ERO1A: variants seen among roughly 807,000 people sequenced by gnomAD.
The protein encoded by ERO1A is endoplasmic reticulum oxidoreductase 1 alpha, also known as ERO1-like protein alpha.
In ERO1A, 49 loss-of-function variants were observed where a neutral mutation model predicts 76.9. That is an observed-to-expected ratio of 0.64 (90% confidence interval 0.51 to 0.81). ERO1A has a LOEUF of 0.81. Ranked by LOEUF, ERO1A falls within the 30% of genes least tolerant of loss-of-function variation. The probability of loss-of-function intolerance (pLI) is 0.00; values close to 1 mark genes in which losing one functional copy is unlikely to be tolerated. For missense variants in ERO1A, 448 were observed against 542.1 expected, an observed-to-expected ratio of 0.83 and a Z score of 1.72; for synonymous variants, 174 against 181.2, an observed-to-expected ratio of 0.96 and a Z score of 0.32.
At chr14:52,666,695 C>T (rs934894357) in intron 6 of ERO1A, among the ~76,000 whole-genome samples, 200 bp from the exon 7 acceptor site, 4 of 152,154 alleles carry the variant, frequency 2.6e-5, no homozygotes, top group African/African-American at 9.7e-5. Flanking sequence ...CTTTGGGAGG[C>T]CAAGGTGGGC....
chr14:52,650,597 T>C (rs572401876), intron 13 of ERO1A, among the ~76,000 whole-genome samples: 121 of 152,184 alleles, frequency 8.0e-4, no homozygotes, highest in Middle Eastern at 3.4e-3. Flanking sequence ...TGTATATATA[T>C]GTATGTATAT....
At chr14:52,657,882 GA>G in intron 11 of ERO1A, 34 bp downstream of exon 11, 1 of 1,395,396 alleles carries the variant, frequency 7.2e-7, no homozygotes, top group Non-Finnish European at 9.9e-7. Context: ...CTAAAATTAA[GA>G]GTGGTAGACT....
intron 1 of ERO1A, among the ~76,000 whole-genome samples, chr14:52,686,331 T>A (rs2041174556): frequency 6.6e-6 from 1 of 152,178 alleles, no homozygotes; most frequent in Non-Finnish European, 1.5e-5. Flanking sequence ...TAGCACCATG[T>A]CACCTATGGT....
At chr14:52,672,776 C>CAAAAAAAAAAAAAAAAAAA (rs1226719026) in intron 4 of ERO1A, among the ~76,000 whole-genome samples, 1 of 61,098 alleles carries the variant, frequency 1.6e-5, no homozygotes, top group Non-Finnish European at 3.5e-5. Flanking sequence ...TGTCTCTGAC[C>CAAAAAAAAAAAAAAAAAAA]AAAAAAAAAA....
intron 11 of ERO1A, among the ~76,000 whole-genome samples, chr14:52,656,254 C>T (rs1466476360): frequency 6.6e-6 from 1 of 152,030 alleles, no homozygotes; most frequent in Non-Finnish European, 1.5e-5. Flanking sequence ...ATCTTTGTGT[C>T]TGGCTCATTT....
At chr14:52,685,950 GC>G (rs2139774390) in intron 1 of ERO1A, among the ~76,000 whole-genome samples, 1 of 152,262 alleles carries the variant, frequency 6.6e-6, no homozygotes, top group South Asian at 2.1e-4. Context: ...ATTATTTGTG[GC>G]CTGTAATCCC....
chr14:52,662,466 T>C (rs2040261643), intron 8 of ERO1A, among the ~76,000 whole-genome samples: 1 of 152,340 alleles, frequency 6.6e-6, no homozygotes, highest in Non-Finnish European at 1.5e-5. Flanking sequence ...GAGATCAGCA[T>C]CTTTTCAAAT....
In ERO1A at chr14:52,652,252, GCTTCT is replaced by G; in HGVS notation, c.1107_1111del (p.Lys369AsnfsTer13). ...TAAAGTAATTACCTTTAGTTTGTGTGCTTCTTTTTTATCCCCAGCAAAAAATGAAT... is the reference window on the plus strand; with the variant it reads ...TAAAGTAATTACCTTTAGTTTGTGTGTTTTTATCCCCAGCAAAAAATGAAT... On this transcript the variant is annotated frameshift_variant, in exon 13 of 16. Coordinates refer to ENST00000395686, the MANE Select transcript of ERO1A (RefSeq NM_014584.3). LOFTEE classifies it high-confidence loss of function. 1 of 1,602,006 alleles carries G rather than the reference GCTTCT, an allele frequency of 6.2e-7. No homozygotes were observed. The highest frequency in any genetic ancestry group is 8.6e-7 in the Non-Finnish European group (1 of 1,169,178).
At chr14:52,685,277 T>C (rs1016073354) in intron 1 of ERO1A, among the ~76,000 whole-genome samples, 1 of 152,192 alleles carries the variant, frequency 6.6e-6, no homozygotes, top group Non-Finnish European at 1.5e-5. Flanking sequence ...TTCCCACTCT[T>C]ACTTGTTTTG....
chr14:52,646,978 T>A (rs1184746239), intron 13 of ERO1A: 1 of 122,630 alleles, frequency 8.2e-6, no homozygotes, highest in African/African-American at 3.2e-5. Context: ...GGTTTCTTTT[T>A]TTTTTTTTTT....
rs2039520136 is a variant in ERO1A at position 52,642,806 on chromosome 14, T to G, written c.*764A>C. 1 of 152,622 alleles carries G rather than the reference T, an allele frequency of 6.6e-6. No homozygotes were observed. Among genetic ancestry groups the G allele is most frequent in the African/African-American group, 2.4e-5 (1 of 41,460 alleles). 9.5% of individuals were successfully genotyped at this position (152,622 alleles called of 1,614,324 possible). On this transcript the variant is annotated 3_prime_UTR_variant, in exon 16 of 16. Transcript: ENST00000395686. ...ATTTTATTTAGTATTAGTGAAAGTA[T>G]TATGAGAATAAATATATAATCTATT... is the stretch of plus-strand genomic sequence containing the variant.
At chr14:52,670,033 A>C (rs879791297) in intron 6 of ERO1A, among the ~76,000 whole-genome samples, 1 of 151,662 alleles carries the variant, frequency 6.6e-6, no homozygotes, top group Non-Finnish European at 1.5e-5. Context: ...CAATCCTCCC[A>C]CTCCCCGAGT....
chr14:52,688,590 A>G (rs1374801603), intron 1 of ERO1A, among the ~76,000 whole-genome samples: 1 of 152,160 alleles, frequency 6.6e-6, no homozygotes, highest in Non-Finnish European at 1.5e-5. Flanking sequence ...TTACTTCCCA[A>G]AGCAGCACAT....
intron 1 of ERO1A, among the ~76,000 whole-genome samples, chr14:52,685,099 T>C (rs896838046): frequency 5.9e-5 from 9 of 152,216 alleles, no homozygotes; most frequent in Admixed American, 3.3e-4. Context: ...AGCAAATCAA[T>C]AATACTCTAT....
In ERO1A at chr14:52,695,521, A is replaced by G. The variant is rs1453433287; in HGVS notation, c.-40T>C. ...CTTGTCGCCCCACGCTTGGGAGGCC[A>G]GTCCGCACGCTCGGTCGCGGGCCGT... On this transcript the variant is annotated 5_prime_UTR_variant, in exon 1 of 16. Coordinates refer to ENST00000395686, the MANE Select transcript of ERO1A (RefSeq NM_014584.3). 19 of 1,399,936 alleles carry G rather than the reference A, an allele frequency of 1.4e-5. No individual in the cohort carries two copies. The highest frequency in any genetic ancestry group is 1.8e-5 in the Non-Finnish European group (19 of 1,049,784). The allele number at this position is 1,399,936 out of a possible 1,614,324, so 86.7% of individuals were successfully genotyped here.
At chr14:52,655,456 T>G (rs573750634) in intron 11 of ERO1A, among the ~76,000 whole-genome samples, 1 of 152,198 alleles carries the variant, frequency 6.6e-6, no homozygotes, top group Non-Finnish European at 1.5e-5. Flanking sequence ...GAGTTAATGG[T>G]AAGTGAATAA....
intron 4 of ERO1A, among the ~76,000 whole-genome samples, chr14:52,674,735 G>C (rs2040723920): frequency 6.6e-6 from 1 of 152,198 alleles, no homozygotes; most frequent in Admixed American, 6.5e-5. Context: ...AGTGTGGTTT[G>C]AATGGAATGG....
intron 7 of ERO1A, among the ~76,000 whole-genome samples, chr14:52,664,549 ATAAT>A (rs1349486896): frequency 6.6e-6 from 1 of 152,254 alleles, no homozygotes; most frequent in African/African-American, 2.4e-5. Context: ...AATACACAAT[ATAAT>A]TAACTTAGCC....
chr14:52,662,969 A>C (rs2040276953), intron 8 of ERO1A, among the ~76,000 whole-genome samples: 1 of 152,226 alleles, frequency 6.6e-6, no homozygotes, highest in East Asian at 1.9e-4. Flanking sequence ...AAGTAAAAAC[A>C]AACGCATGCA....
Sources: allele counts gnomAD v4.1 joint callset (sites outside exome capture counted in the v4.1 genomes callset), GRCh38; gene constraint gnomAD v4.1.1; transcripts MANE v1.5; gene names NCBI Gene and HGNC (gene_info 2026-07-23, HGNC 2026-07-21).